Variants in CACHD1 observed in about 807,000 individuals in gnomAD.
CACHD1 encodes cache domain containing 1, also known as VWFA and cache domain-containing protein 1.
In CACHD1, 71 loss-of-function variants were observed where a neutral mutation model predicts 138.7. The ratio of observed to expected loss-of-function variants is 0.51; its 90% CI spans 0.42 to 0.62. CACHD1 has a LOEUF of 0.62. CACHD1 is among the 20% of genes least tolerant of loss of function. The probability of loss-of-function intolerance (pLI) is 0.00; values close to 1 mark genes in which losing one functional copy is unlikely to be tolerated. For synonymous variants in CACHD1, 578 were observed against 591.5 expected, an observed-to-expected ratio of 0.98 and a Z score of 0.33; for missense variants, 1,389 against 1,625.3, an observed-to-expected ratio of 0.85 and a Z score of 2.50.
chr1:64,585,091 T>G (rs976366433), intron 3 of CACHD1, among the ~76,000 whole-genome samples: 1 of 152,220 alleles, frequency 6.6e-6, no homozygotes, highest in Non-Finnish European at 1.5e-5. Flanking sequence ...ACTCTAAATT[T>G]CTAGCAATAG....
intron 1 of CACHD1, among the ~76,000 whole-genome samples, chr1:64,525,236 T>G (rs1413041082): frequency 8.5e-5 from 13 of 152,194 alleles, no homozygotes; most frequent in African/African-American, 3.1e-4. Context: ...TTGCCAAGAA[T>G]GACATTGAGA....
At chr1:64,576,067 C>G (rs1646964741) in intron 2 of CACHD1, among the ~76,000 whole-genome samples, 1 of 152,166 alleles carries the variant, frequency 6.6e-6, no homozygotes, top group Non-Finnish European at 1.5e-5. Context: ...TGACCCGTGG[C>G]TGGATGTTGG....
chr1:64,556,710 G>A lies in CACHD1; in HGVS notation c.261+6054G>A, dbSNP rs74080419. Among the ~76,000 whole-genome samples the A allele has an allele frequency of 4.5e-3, 688 of 152,284 alleles. 4 individuals are homozygous for A. The highest frequency in any genetic ancestry group is 0.016 in the African/African-American group (657 of 41,556). On this transcript the variant is annotated intron_variant, in intron 2 of 26. Transcript: ENST00000651257. ...TTTCTTTTAAACTAACCTTCAGAGA[G>A]TGTGGGTCTAAATTGTCTAACAATG...
chr1:64,512,504 T>G (rs1402563583), intron 1 of CACHD1, among the ~76,000 whole-genome samples: 1 of 151,754 alleles, frequency 6.6e-6, no homozygotes, highest in Non-Finnish European at 1.5e-5. Context: ...TCCTTTACTT[T>G]GAATGGAGAG....
chr1:64,475,340 A>AT (rs888622270), intron 1 of CACHD1, among the ~76,000 whole-genome samples: 10 of 151,402 alleles, frequency 6.6e-5, no homozygotes, highest in Non-Finnish European at 1.3e-4. Flanking sequence ...TAATTTTGTA[A>AT]TTTTTTGTAG....
At chr1:64,488,267 A>G (rs188717245) in intron 1 of CACHD1, among the ~76,000 whole-genome samples, 1 of 152,346 alleles carries the variant, frequency 6.6e-6, no homozygotes. Flanking sequence ...TCTCATTATG[A>G]CATAGTAAAA....
chr1:64,542,048 A>G (rs1191003718), intron 1 of CACHD1, among the ~76,000 whole-genome samples: 1 of 152,230 alleles, frequency 6.6e-6, no homozygotes, highest in Non-Finnish European at 1.5e-5. Context: ...AAAATAGAAT[A>G]ATAGTAGATA....
At chr1:64,522,318 T>G (rs952492706) in intron 1 of CACHD1, among the ~76,000 whole-genome samples, 36 of 151,562 alleles carry the variant, frequency 2.4e-4, no homozygotes, top group African/African-American at 7.7e-4. Flanking sequence ...ATTTTTTTTT[T>G]GTTTTTTTGA....
chr1:64,528,157 A>G (rs1646555053), intron 1 of CACHD1, among the ~76,000 whole-genome samples: 2 of 152,190 alleles, frequency 1.3e-5, no homozygotes, highest in South Asian at 4.1e-4. Context: ...ATGGAGATGG[A>G]TATTATTATC....
At chr1:64,669,493 T>C (rs1649746079) in intron 16 of CACHD1, among the ~76,000 whole-genome samples, 1 of 152,176 alleles carries the variant, frequency 6.6e-6, no homozygotes, top group African/African-American at 2.4e-5. Flanking sequence ...CATAGTAAGC[T>C]TTCTTGTGAT....
At chr1:64,472,557 T>C (rs1646152042) in intron 1 of CACHD1, among the ~76,000 whole-genome samples, 1 of 152,240 alleles carries the variant, frequency 6.6e-6, no homozygotes, top group Non-Finnish European at 1.5e-5. Context: ...CATTCAACTA[T>C]GCCGATCTTT....
At chr1:64,595,654 C>A (rs1251561799) in intron 3 of CACHD1, among the ~76,000 whole-genome samples, 1 of 152,162 alleles carries the variant, frequency 6.6e-6, no homozygotes, top group African/African-American at 2.4e-5. Context: ...GTTGTGCGCC[C>A]ACTTCCAATT....
intron 1 of CACHD1, among the ~76,000 whole-genome samples, chr1:64,481,711 A>C (rs1646212458): frequency 6.6e-6 from 1 of 152,228 alleles, no homozygotes; most frequent in African/African-American, 2.4e-5. Flanking sequence ...AGAGCTGATA[A>C]GGCTTATGTT....
At chr1:64,587,872 A>C (rs536948646) in intron 3 of CACHD1, among the ~76,000 whole-genome samples, 5 of 152,304 alleles carry the variant, frequency 3.3e-5, no homozygotes, top group Admixed American at 3.3e-4. Flanking sequence ...TTCGGCCCTC[A>C]GTGTTTTAAA....
chr1:64,506,407 T>C (rs924522602), intron 1 of CACHD1: 2 of 152,252 alleles, frequency 1.3e-5, no homozygotes, highest in African/African-American at 4.8e-5. Context: ...CGACGGCCTA[T>C]TGAATGCTCT....
chr1:64,611,768 CTGGTTACCCAG>C (rs1200219028), intron 4 of CACHD1, among the ~76,000 whole-genome samples: 1 of 152,198 alleles, frequency 6.6e-6, no homozygotes, highest in Non-Finnish European at 1.5e-5. Flanking sequence ...CCAATCTCTG[CTGGTTACCCAG>C]TCCCAAAGTC....
intron 1 of CACHD1, among the ~76,000 whole-genome samples, chr1:64,549,412 G>A (rs1480316638): frequency 2.0e-5 from 3 of 152,102 alleles, no homozygotes; most frequent in Non-Finnish European, 4.4e-5. Context: ...GGAGAATGAT[G>A]GGAGGCACCA....
chr1:64,641,865 AG>A lies in CACHD1; in HGVS notation c.1054del (p.Asp352ThrfsTer21). 1.3e-6 allele frequency: 2 copies of A among 1,526,530 alleles called. No individual in the cohort carries two copies. The highest frequency in any genetic ancestry group is 1.8e-6 in the Non-Finnish European group (2 of 1,124,506). The allele number at this position is 1,526,530 out of a possible 1,614,324, so 94.6% of individuals were successfully genotyped here. A position where few individuals can be genotyped will look rare whatever the true frequency, so the allele number is the denominator to read the frequency against. ...IIYLSAGITS[K>X]DSSEEDKKAT... ...TACCTGTCAGCTGGCATTACATCAA[AG>A]GACTCTTCGGAAGAAGATAAAAAAG... On this transcript the variant is annotated frameshift_variant, in exon 8 of 27. Coordinates refer to ENST00000651257, the MANE Select transcript of CACHD1 (RefSeq NM_020925.4). LOFTEE classifies it high-confidence loss of function.
chr1:64,526,425 C>T (rs999456877), intron 1 of CACHD1, among the ~76,000 whole-genome samples: 1 of 151,628 alleles, frequency 6.6e-6, no homozygotes, highest in Non-Finnish European at 1.5e-5. Context: ...AAGAGACAAA[C>T]AAAAATGGGT....
Sources: gnomAD v4.1 joint callset for allele counts (sites outside exome capture counted in the v4.1 genomes callset) on GRCh38, gnomAD v4.1.1 for gene constraint, MANE v1.5 for transcripts, NCBI Gene and HGNC (gene_info 2026-07-23, HGNC 2026-07-21) for gene names.